The following KLF3 variants were observed in gnomAD, a reference collection of about 807,000 sequenced individuals.
KLF3 encodes the protein Krueppel-like factor 3.
In KLF3, 6 loss-of-function variants were observed where a neutral mutation model predicts 32.7. The observed-to-expected ratio is 0.18, with a 90% CI of 0.10 to 0.36. KLF3 has a LOEUF of 0.36. KLF3 is among the 10% of genes least tolerant of loss of function. The pLI is 1.00. For missense variants in KLF3, 338 were observed against 449.7 expected, an observed-to-expected ratio of 0.75 and a Z score of 2.25; for synonymous variants, 145 against 172.8, an observed-to-expected ratio of 0.84 and a Z score of 1.26.
At chr4:38,686,977 A>T (rs1356963390) in intron 2 of KLF3, among the ~76,000 whole-genome samples, 1 of 151,886 alleles carries the variant, frequency 6.6e-6, no homozygotes, top group Non-Finnish European at 1.5e-5. Flanking sequence ...AAAGAGGGTG[A>T]TCTCAGTAGG....
intron 4 of KLF3, chr4:38,690,628 T>C (rs78916220): frequency 0.049 from 7,405 of 152,366 alleles, 260 homozygotes; most frequent in Non-Finnish European, 0.082. Flanking sequence ...TCTTGTGTTA[T>C]GGTGCTTCAG....
chr4:38,669,632 C>T (rs780282562), intron 1 of KLF3, among the ~76,000 whole-genome samples: 7 of 152,010 alleles, frequency 4.6e-5, no homozygotes, highest in Non-Finnish European at 1.0e-4. Context: ...GTGGCTCACA[C>T]CTGTAATTTC....
chr4:38,689,714 A>G lies in KLF3; in HGVS notation c.545-15A>G, dbSNP rs764953022. On this transcript the variant is annotated splice_polypyrimidine_tract_variant and intron_variant, in intron 3 of 5. Transcript: ENST00000261438. ...AAACTGTACGTGAAGTGACTTTTCT[A>G]TTTTTATTTTTTAGTACCTGTAATT... 75 of 1,563,022 alleles carry G rather than the reference A, an allele frequency of 4.8e-5. No individual in the cohort carries two copies. Among genetic ancestry groups the G allele is most frequent in the Non-Finnish European group, 5.9e-5 (68 of 1,155,126 alleles).
rs1487471751 is a variant in KLF3 at position 38,680,607 on chromosome 4, A to G, written c.-19A>G. The G allele has an allele frequency of 2.0e-5, 32 of 1,604,448 alleles. No individual in the cohort carries two copies. Among genetic ancestry groups the G allele is most frequent in the Non-Finnish European group, 2.6e-5 (30 of 1,171,358 alleles). On this transcript the variant is annotated 5_prime_UTR_variant, in exon 2 of 6. Transcript: ENST00000261438. ...TCTAGGCCAAACACCAGAGCACCCT[A>G]GAAGGTTTAACTAAAAGAATGCTCA...
Position 38,697,323 on chromosome 4 carries a change from C to T in KLF3, c.*60C>T. The T allele has an allele frequency of 7.1e-7, 1 of 1,408,826 alleles. No homozygotes were observed. The highest frequency in any genetic ancestry group is 9.7e-7 in the Non-Finnish European group (1 of 1,033,632). The allele number at this position is 1,408,826 out of a possible 1,614,324, so 87.3% of individuals were successfully genotyped here. On this transcript the variant is annotated 3_prime_UTR_variant, in exon 6 of 6. Coordinates refer to ENST00000261438, the MANE Select transcript of KLF3 (RefSeq NM_016531.6). ...CTCACCTGGCTCTCTCTCTGTCCTG[C>T]CTCCCATTATCTAACACATTTTTTA...
rs935493233 is a variant in KLF3, at chr4:38,688,288, T to C, written c.58-297T>C. Among the ~76,000 whole-genome samples the C allele has an allele frequency of 6.6e-6, 1 of 152,206 alleles. No individual in the cohort carries two copies. Reference sequence around the variant, plus strand: ...ACCTGTCTTAGAATTTTGCCAGGTATCGGCCTTAATGTTTGACACAGGAAT... The same window carrying C: ...ACCTGTCTTAGAATTTTGCCAGGTACCGGCCTTAATGTTTGACACAGGAAT... On this transcript the variant is annotated intron_variant, in intron 2 of 5. Coordinates refer to ENST00000261438, the MANE Select transcript of KLF3 (RefSeq NM_016531.6). The surrounding 1 kb of genome is among the most constrained non-coding windows in gnomAD (Gnocchi z 4.9).
chr4:38,675,112 C>G (rs954263182), intron 1 of KLF3, among the ~76,000 whole-genome samples: 1 of 152,234 alleles, frequency 6.6e-6, no homozygotes, highest in African/African-American at 2.4e-5. Flanking sequence ...CCCTTTTAAT[C>G]TATAATCACG....
chr4:38,693,127 T>TAC (rs34377589), intron 4 of KLF3, among the ~76,000 whole-genome samples: 1 of 134,482 alleles, frequency 7.4e-6, no homozygotes, highest in South Asian at 2.3e-4. Context: ...CATATATATA[T>TAC]ACGTGTATAT....
chr4:38,679,488 G>A (rs539118643), intron 1 of KLF3, among the ~76,000 whole-genome samples: 5 of 152,270 alleles, frequency 3.3e-5, no homozygotes, highest in South Asian at 2.1e-4. Context: ...GGCATCAGGC[G>A]CTTTGGGAAA....
rs955759740 is a variant in KLF3 at position 38,688,869 on chromosome 4, G to A, written c.342G>A (p.Val114=). Reference sequence around the variant, plus strand: ...AATACTCACCCCCTTCTCCAGGCGTGCAGCCCTTCGGCGTGCCGCTGTCCA... The same window carrying A: ...AATACTCACCCCCTTCTCCAGGCGTACAGCCCTTCGGCGTGCCGCTGTCCA... ...IKKYSPPSPG[V]QPFGVPLSMP... is the part of the protein sequence containing the mutation. Residue 114 remains valine (V), a synonymous_variant, in exon 3 of 6, where the codon GTG becomes GTA. Transcript: ENST00000261438. The surrounding 1 kb of genome is among the most constrained non-coding windows in gnomAD (Gnocchi z 4.9). 5.0e-6 allele frequency: 8 copies of A among 1,614,214 alleles called. No homozygotes were observed. Among genetic ancestry groups the A allele is most frequent in the Non-Finnish European group, 5.9e-6 (7 of 1,180,034 alleles).
intron 1 of KLF3, among the ~76,000 whole-genome samples, chr4:38,669,096 CACCCAGTTGAGTTTA>C (rs1297054613): frequency 6.6e-6 from 1 of 152,052 alleles, no homozygotes; most frequent in African/African-American, 2.4e-5. Context: ...TCTGTTTTCA[CACCCAGTTGAGTTTA>C]AGAAAAATAA....
At chr4:38,685,766 T>C (rs1722674775) in intron 2 of KLF3, among the ~76,000 whole-genome samples, 1 of 152,230 alleles carries the variant, frequency 6.6e-6, no homozygotes, top group African/African-American at 2.4e-5. Flanking sequence ...AGTTTTTTCC[T>C]AGTACCAGAA....
chr4:38,686,443 C>CAAA (rs61128677), intron 2 of KLF3, among the ~76,000 whole-genome samples: 36 of 100,914 alleles, frequency 3.6e-4, no homozygotes, highest in Non-Finnish European at 4.3e-4. Flanking sequence ...GACCCTATCT[C>CAAA]AAAAAAAAAA....
At chr4:38,677,808 A>G (rs1420791704) in intron 1 of KLF3, among the ~76,000 whole-genome samples, 1 of 152,140 alleles carries the variant, frequency 6.6e-6, no homozygotes, top group African/African-American at 2.4e-5. Flanking sequence ...GAACCAACAC[A>G]TTTAGTGTTG....
chr4:38,680,479 G>A (rs989479104), intron 1 of KLF3, 108 bp from the exon 2 acceptor site: 4 of 569,840 alleles, frequency 7.0e-6, no homozygotes, highest in African/African-American at 5.7e-5. Flanking sequence ...CTCTCAAAGT[G>A]CTGGGATTAC....
At chr4:38,694,198 A>G (rs1722976495) in intron 4 of KLF3, among the ~76,000 whole-genome samples, 1 of 152,230 alleles carries the variant, frequency 6.6e-6, no homozygotes, top group South Asian at 2.1e-4. Context: ...TTAAATGCCA[A>G]TTACATAAAG....
At chr4:38,678,059 A>C (rs1402226691) in intron 1 of KLF3, among the ~76,000 whole-genome samples, 1 of 151,968 alleles carries the variant, frequency 6.6e-6, no homozygotes, top group East Asian at 1.9e-4. Context: ...TTCCTTATAC[A>C]CCTGAGAATG....
At chr4:38,668,759 C>T (rs1004770710) in intron 1 of KLF3, among the ~76,000 whole-genome samples, 3 of 152,292 alleles carry the variant, frequency 2.0e-5, no homozygotes, top group Middle Eastern at 3.4e-3. Flanking sequence ...CTTTATTTGG[C>T]TTTCCCCAAA....
chr4:38,689,211 C>T, intron 3 of KLF3, 140 bp downstream of exon 3: 2 of 1,032,146 alleles, frequency 1.9e-6, no homozygotes, highest in Non-Finnish European at 1.4e-6. Context: ...GCATTTCCTT[C>T]CCCCGCCCCC....
Sources: gnomAD v4.1 joint callset for allele counts (sites outside exome capture counted in the v4.1 genomes callset) on GRCh38, gnomAD v4.1.1 for gene constraint, Gnocchi (gnomAD v3.1) non-coding constraint, MANE v1.5 for transcripts, NCBI Gene and HGNC (gene_info 2026-07-23, HGNC 2026-07-21) for gene names.